The following UBE2F variants were observed in gnomAD, a reference collection of about 807,000 sequenced individuals.
UBE2F encodes the protein ubiquitin conjugating enzyme E2 F (putative).
A neutral mutation model predicts 29.6 loss-of-function variants in UBE2F; 5 were observed. The observed-to-expected ratio is 0.17, with a 90% CI of 0.09 to 0.36. The LOEUF is 0.36. UBE2F is among the 10% of genes least tolerant of loss of function. The pLI is 1.00. For synonymous variants in UBE2F, 66 were observed against 81.8 expected, an observed-to-expected ratio of 0.81 and a Z score of 1.04; for missense variants, 141 against 228.5, an observed-to-expected ratio of 0.62 and a Z score of 2.47.
intron 9 of UBE2F, 121 bp from the exon 10 acceptor site, chr2:238,041,167 C>G (rs1014599205): frequency 1.1e-6 from 1 of 921,894 alleles, no homozygotes; most frequent in African/African-American, 1.6e-5. Context: ...GTCCTTCTAC[C>G]ACCTTGGCGA....
chr2:238,034,707 C>T (rs772018171), intron 8 of UBE2F, among the ~76,000 whole-genome samples: 1 of 152,054 alleles, frequency 6.6e-6, no homozygotes, highest in Non-Finnish European at 1.5e-5. Flanking sequence ...TAGAGATTTA[C>T]AGTTTTTCTT....
chr2:238,024,733 A>G (rs1379720204), intron 5 of UBE2F, among the ~76,000 whole-genome samples: 3 of 152,224 alleles, frequency 2.0e-5, no homozygotes, highest in South Asian at 2.1e-4. Flanking sequence ...AAACATGCCA[A>G]GTCATAAATG....
rs569884803 is a variant in UBE2F, at chr2:238,033,791, G to A, written c.444+1537G>A. ...ACCTGATGGACACCTGGACTTGACA[G>A]TTTCTGCTGGTCTTAGCCACTTTGT... On this transcript the variant is annotated intron_variant, in intron 8 of 9. Coordinates refer to ENST00000272930, the MANE Select transcript of UBE2F (RefSeq NM_080678.3). 2.0e-5 allele frequency among the ~76,000 whole-genome samples: 3 copies of A among 152,358 alleles called. 1 individual carries two copies. In the East Asian group the frequency reaches 5.8e-4, roughly 29 times the overall value.
intron 2 of UBE2F, among the ~76,000 whole-genome samples, chr2:237,986,584 C>T (rs1440192453): frequency 6.6e-6 from 1 of 152,184 alleles, no homozygotes; most frequent in African/African-American, 2.4e-5. Context: ...AAAATCATTG[C>T]CAAGGCCCTT....
In UBE2F at chr2:237,967,109, C is replaced by A; in HGVS notation, c.-40C>A. On this transcript the variant is annotated 5_prime_UTR_variant, in exon 1 of 10. Transcript: ENST00000272930. The surrounding 1 kb of genome is among the most constrained non-coding windows in gnomAD (Gnocchi z 6.3). ...GGCATGGTGTTGGGCGCCGGGCCCGCCTCGCCTGTCTCGGGGAGCCCAGGT... is the reference window on the plus strand; with the variant it reads ...GGCATGGTGTTGGGCGCCGGGCCCGACTCGCCTGTCTCGGGGAGCCCAGGT... The A allele has an allele frequency of 1.5e-6, 2 of 1,343,278 alleles. No homozygotes were observed. The highest frequency in any genetic ancestry group is 1.9e-6 in the Non-Finnish European group (2 of 1,043,386). 83.2% of individuals were successfully genotyped at this position (1,343,278 alleles called of 1,614,324 possible).
Position 238,026,171 on chromosome 2 carries a change from G to A in UBE2F, c.353+759G>A, listed in dbSNP as rs556052183. ...GCCGCCCCCGCCCCCACCCCTGCCC[G>A]GCTGCCCGGGGCAGCTGTGGGACTT... On this transcript the variant is annotated intron_variant, in intron 6 of 9. Transcript: ENST00000272930. 5.9e-5 allele frequency among the ~76,000 whole-genome samples: 9 copies of A among 152,316 alleles called. No individual in the cohort carries two copies. The South Asian group carries it at 1.7e-3, about 28-fold the overall frequency.
intron 3 of UBE2F, 78 bp from the exon 4 acceptor site, chr2:237,994,666 C>T: frequency 8.8e-7 from 1 of 1,141,366 alleles, no homozygotes; most frequent in Non-Finnish European, 1.3e-6. Context: ...GCTAACTTTA[C>T]ACGTGTTCAA....
intron 1 of UBE2F, among the ~76,000 whole-genome samples, chr2:237,970,758 A>T (rs1398540297): frequency 1.3e-5 from 2 of 152,250 alleles, no homozygotes; most frequent in Non-Finnish European, 2.9e-5. Context: ...CTTGTTGCCC[A>T]GGCTGGAGTG....
intron 2 of UBE2F, among the ~76,000 whole-genome samples, chr2:237,974,518 T>C (rs959931933): frequency 1.4e-5 from 2 of 142,172 alleles, no homozygotes; most frequent in African/African-American, 5.3e-5. Context: ...TTTTTTTGTT[T>C]TTTTTTTTTT....
intron 2 of UBE2F, among the ~76,000 whole-genome samples, chr2:237,981,784 G>A (rs2063382052): frequency 6.6e-6 from 1 of 151,902 alleles, no homozygotes; most frequent in African/African-American, 2.4e-5. Flanking sequence ...ATGCCACCAT[G>A]CCTGGCTAAT....
chr2:238,030,736 A>G (rs1576639160), intron 7 of UBE2F, 123 bp downstream of exon 7: 2 of 722,560 alleles, frequency 2.8e-6, no homozygotes, highest in East Asian at 2.7e-5. Context: ...GGCCGGACAC[A>G]CCCTGCCTCC....
intron 8 of UBE2F, among the ~76,000 whole-genome samples, chr2:238,033,601 C>T (rs1196967957): frequency 6.6e-6 from 1 of 152,180 alleles, no homozygotes; most frequent in Non-Finnish European, 1.5e-5. Flanking sequence ...TCTGAGGGCA[C>T]AGTGTTCTTA....
intron 6 of UBE2F, 141 bp from the exon 7 acceptor site, chr2:238,030,415 A>G (rs961091082): frequency 3.2e-6 from 2 of 624,164 alleles, no homozygotes; most frequent in East Asian, 2.8e-5. Flanking sequence ...TCAGCAAGAG[A>G]AAACTGAGAA....
At chr2:238,017,109 A>G (rs1349404442) in intron 5 of UBE2F, among the ~76,000 whole-genome samples, 1 of 152,218 alleles carries the variant, frequency 6.6e-6, no homozygotes, top group African/African-American at 2.4e-5. Context: ...ATACCATTAC[A>G]TTATGTCTTT....
chr2:238,029,536 C>T (rs896334301), intron 6 of UBE2F, among the ~76,000 whole-genome samples: 1 of 149,430 alleles, frequency 6.7e-6, no homozygotes, highest in African/African-American at 2.5e-5. Flanking sequence ...GTGGAGCTTA[C>T]AGTGAGCCGA....
intron 5 of UBE2F, among the ~76,000 whole-genome samples, chr2:238,020,059 G>A (rs1411613640): frequency 1.3e-5 from 2 of 152,164 alleles, no homozygotes; most frequent in African/African-American, 2.4e-5. Flanking sequence ...CCCCAGCAGG[G>A]CGTCTCCAGG....
At chr2:238,007,011 C>G (rs559149535) in intron 4 of UBE2F, among the ~76,000 whole-genome samples, 2 of 152,274 alleles carry the variant, frequency 1.3e-5, no homozygotes, top group Admixed American at 6.5e-5. Flanking sequence ...CTGCCTCTGC[C>G]TCCCAAAGTG....
At chr2:237,971,580 C>T (rs1454435713) in intron 1 of UBE2F, among the ~76,000 whole-genome samples, 1 of 152,188 alleles carries the variant, frequency 6.6e-6, no homozygotes, top group Non-Finnish European at 1.5e-5. Context: ...TCTCGTTCCC[C>T]TAAAGTGTTG....
At chr2:237,987,049 G>T (rs1231450487) in intron 2 of UBE2F, among the ~76,000 whole-genome samples, 2 of 152,072 alleles carry the variant, frequency 1.3e-5, no homozygotes, top group Non-Finnish European at 2.9e-5. Context: ...TTTTGATAGG[G>T]ATTGCACTGA....
Sources: gnomAD v4.1 joint callset for allele counts (sites outside exome capture counted in the v4.1 genomes callset) on GRCh38, gnomAD v4.1.1 for gene constraint, Gnocchi (gnomAD v3.1) non-coding constraint, MANE v1.5 for transcripts, NCBI Gene and HGNC (gene_info 2026-07-23, HGNC 2026-07-21) for gene names.